Variants in ZCCHC8 observed in about 807,000 individuals in gnomAD.
ZCCHC8 encodes the protein zinc finger CCHC-type containing 8.
A neutral mutation model predicts 70.6 loss-of-function variants in ZCCHC8; 27 were observed. The observed-to-expected ratio is 0.38, with a 90% CI of 0.28 to 0.53. The LOEUF (loss-of-function observed/expected upper bound fraction) is 0.53, where lower values mean the gene tolerates loss of function less well. Among genes scored for constraint, ZCCHC8 ranks in the 20% least tolerant of loss-of-function variants. The pLI is 0.81. For missense variants in ZCCHC8, 737 were observed against 876.9 expected (o/e 0.84, Z 2.01); for synonymous variants, 293 against 317.4 (o/e 0.92, Z 0.82).
intron 5 of ZCCHC8, 55 bp downstream of exon 5, chr12:122,489,331 C>T (rs1188677687): frequency 6.5e-7 from 1 of 1,536,976 alleles, no homozygotes; most frequent in Non-Finnish European, 8.9e-7. Flanking sequence ...ACCCAGTTGA[C>T]ATAGGATAGG....
chr12:122,490,514 T>C lies in ZCCHC8; in HGVS notation c.371A>G (p.Glu124Gly). The change falls in exon 4 of 14, where the codon GAG (glutamate) becomes GGG (glycine). Residue 124 changes from glutamate to glycine, a missense_variant. By Grantham distance (98) the Glu-to-Gly change is moderately conservative. Coordinates refer to ENST00000633063, the MANE Select transcript of ZCCHC8 (RefSeq NM_017612.5). ...EFVSNLVKRF[E>G]EQQKNDVEKT... ...TTCCACATCATTTTTCTGCTGTTCCTCAAATCTTTTTACTAAATTTGATAC... is the reference window on the plus strand; with the variant it reads ...TTCCACATCATTTTTCTGCTGTTCCCCAAATCTTTTTACTAAATTTGATAC... The C allele has an allele frequency of 6.2e-7, 1 of 1,612,604 alleles. No homozygotes were observed. Among genetic ancestry groups the C allele is most frequent in the Non-Finnish European group, 8.5e-7 (1 of 1,179,284 alleles).
At chr12:122,495,825 G>A (rs546721384) in intron 2 of ZCCHC8, among the ~76,000 whole-genome samples, 1 of 125,282 alleles carries the variant, frequency 8.0e-6, no homozygotes, top group East Asian at 2.3e-4. Context: ...TACAGCCTGG[G>A]CGATAGAGTG....
chr12:122,496,011 A>G (rs1815723489), intron 2 of ZCCHC8, among the ~76,000 whole-genome samples: 1 of 152,036 alleles, frequency 6.6e-6, no homozygotes, highest in African/African-American at 2.4e-5. Flanking sequence ...TAAGCTAAAT[A>G]CAAAAGTTAG....
rs1217898323 is a variant in ZCCHC8, at chr12:122,477,863, G to A, written c.1323C>T (p.Pro441=). The A allele has an allele frequency of 8.1e-6, 13 of 1,613,164 alleles. No individual in the cohort carries two copies. The highest frequency in any genetic ancestry group is 1.7e-5 in the Admixed American group (1 of 59,966). ...QKNESNSAGS[P]ADMELDSDME... ...TACCTGAATCGAGCTCCATGTCGGC[G>A]GGAGATCCCGCTGAGTTGCTTTCAT... Residue 441 remains proline, a synonymous_variant, in exon 13 of 14, where the codon CCC becomes CCT. Transcript: ENST00000633063.
At chr12:122,478,922 G>A (rs1470320044) in intron 11 of ZCCHC8, among the ~76,000 whole-genome samples, 3 of 152,168 alleles carry the variant, frequency 2.0e-5, no homozygotes, top group Non-Finnish European at 4.4e-5. Context: ...CTGGCTTCCA[G>A]AAGCACTGAT....
At chr12:122,498,436 C>A (rs1957863985) in intron 2 of ZCCHC8, among the ~76,000 whole-genome samples, 1 of 152,006 alleles carries the variant, frequency 6.6e-6, no homozygotes, top group Admixed American at 6.6e-5. Context: ...GCCCATTATA[C>A]TATAATTTTT....
At position 122,477,942 on chromosome 12, in the gene ZCCHC8, C is replaced by G; in HGVS notation, c.1244G>C (p.Gly415Ala). ...AGAGTGAGATGAAGACCTCTTGTTG[C>G]CAGACTTCACACCTGGCTAAAAGAG... Reference protein sequence around the residue: ...SNFQAPGVKSGNKRSSSHSSP... With the variant: ...SNFQAPGVKSANKRSSSHSSP... Residue 415 changes from glycine to alanine, a missense_variant, in exon 13 of 14, where the codon GGC becomes GCC. Transcript: ENST00000633063. The G allele has an allele frequency of 6.2e-7, 1 of 1,613,750 alleles. No individual in the cohort carries two copies.
At chr12:122,493,704 C>T (rs975239489) in intron 2 of ZCCHC8, among the ~76,000 whole-genome samples, 6 of 151,896 alleles carry the variant, frequency 4.0e-5, no homozygotes, top group Admixed American at 3.3e-4. Context: ...GCTCTGCTTC[C>T]CAGGTTCACA....
chr12:122,500,474 A>T lies in ZCCHC8; in HGVS notation c.199+168T>A. 2.2e-6 allele frequency: 2 copies of T among 927,842 alleles called. No individual in the cohort carries two copies. The highest frequency in any genetic ancestry group is 3.1e-6 in the Non-Finnish European group (2 of 639,386). 57.5% of individuals were successfully genotyped at this position (927,842 alleles called of 1,614,324 possible). On this transcript the variant is annotated intron_variant, in intron 1 of 13. Coordinates refer to ENST00000633063, the MANE Select transcript of ZCCHC8 (RefSeq NM_017612.5). This position sits in a 1 kb window ranked among gnomAD's most constrained non-coding sequence, Gnocchi z 4.8. ...CGCCGAGGCAGCCTGCGCGCCCCGA[A>T]CCCTAGACTCTCGGTCCGCCGGCGG... is the stretch of plus-strand genomic sequence containing the variant.
intron 13 of ZCCHC8, among the ~76,000 whole-genome samples, chr12:122,475,097 G>T (rs1049838903): frequency 3.3e-5 from 5 of 152,060 alleles, no homozygotes; most frequent in African/African-American, 9.7e-5. Context: ...GCCCAGGCTG[G>T]AGTGCAGTGG....
intron 2 of ZCCHC8, among the ~76,000 whole-genome samples, chr12:122,494,187 G>T (rs752169502): frequency 6.6e-6 from 1 of 152,064 alleles, no homozygotes; most frequent in Non-Finnish European, 1.5e-5. Context: ...CTTCTCACCT[G>T]CCTCATATTT....
At chr12:122,499,075 G>C (rs1412265699) in intron 1 of ZCCHC8, 1 of 581,122 alleles carries the variant, frequency 1.7e-6, no homozygotes, top group African/African-American at 1.9e-5. Context: ...TTATCCTTTC[G>C]AACATATATT....
intron 10 of ZCCHC8, 132 bp from the exon 11 acceptor site, chr12:122,480,443 T>A: frequency 1.3e-6 from 1 of 772,508 alleles, no homozygotes; most frequent in Non-Finnish European, 1.9e-6. Flanking sequence ...TCAATTTTCA[T>A]TATAATTTTT....
At chr12:122,494,559 CA>C (rs148969205) in intron 2 of ZCCHC8, among the ~76,000 whole-genome samples, 2,912 of 88,112 alleles carry the variant, frequency 0.033, 44 homozygotes, top group Middle Eastern at 0.085. Context: ...GACTCTGTTT[CA>C]AAAAAAAAAA....
intron 5 of ZCCHC8, among the ~76,000 whole-genome samples, chr12:122,485,917 C>T (rs1009813715): frequency 2.6e-5 from 4 of 152,138 alleles, no homozygotes; most frequent in Non-Finnish European, 5.9e-5. Context: ...TCATATTCTG[C>T]GTCCAATTCA....
intron 2 of ZCCHC8, among the ~76,000 whole-genome samples, chr12:122,497,365 A>T (rs1957842432): frequency 2.0e-5 from 3 of 151,274 alleles, no homozygotes; most frequent in African/African-American, 7.3e-5. Flanking sequence ...AACATGGTGA[A>T]GCCCCATCTC....
At chr12:122,496,026 G>A (rs569186247) in intron 2 of ZCCHC8, among the ~76,000 whole-genome samples, 1 of 152,044 alleles carries the variant, frequency 6.6e-6, no homozygotes, top group East Asian at 1.9e-4. Flanking sequence ...AGTTAGCCAG[G>A]TGTGGTGGCA....
At position 122,477,807 on chromosome 12, in the gene ZCCHC8, A is replaced by G. The variant is rs549251100; in HGVS notation, c.1345+34T>C. On this transcript the variant is annotated intron_variant, in intron 13 of 13. Coordinates refer to ENST00000633063, the MANE Select transcript of ZCCHC8 (RefSeq NM_017612.5). The stretch of plus-strand genomic sequence containing the variant: ...CTCCATCTCAAAAAAAAAAAAAAAA[A>G]AGAGAGAAATCAGAGCCATAGGATG... 2.9e-4 allele frequency: 429 copies of G among 1,461,432 alleles called. 1 individual carries two copies. In the African/African-American group the frequency reaches 3.1e-3, roughly 11 times the overall value. 90.5% of individuals were successfully genotyped at this position (1,461,432 alleles called of 1,614,324 possible). A position where few individuals can be genotyped will look rare whatever the true frequency, so the allele number is the denominator to read the frequency against.
rs559693938 is a variant in ZCCHC8, at chr12:122,482,880, CAG to C, written c.672-187_672-186del. Reference sequence around the variant, plus strand: ...ATTTAGTGATTTAAATAGTACTATGCAGAGTCTTTTAACCAAGAACCCTTCTG... The same window carrying C: ...ATTTAGTGATTTAAATAGTACTATGCAGTCTTTTAACCAAGAACCCTTCTG... On this transcript the variant is annotated intron_variant, in intron 7 of 13. Transcript: ENST00000633063. 6.7e-4 allele frequency: 383 copies of C among 568,890 alleles called. 4 individuals are homozygous for C. The highest frequency in any genetic ancestry group is 6.7e-3 in the African/African-American group (356 of 53,256). The allele number at this position is 568,890 out of a possible 1,614,324, so 35.2% of individuals were successfully genotyped here. A position where few individuals can be genotyped will look rare whatever the true frequency, so the allele number is the denominator to read the frequency against.
Sources: allele counts gnomAD v4.1 joint callset (sites outside exome capture counted in the v4.1 genomes callset), GRCh38; gene constraint gnomAD v4.1.1; non-coding constraint Gnocchi (gnomAD v3.1); transcripts MANE v1.5; gene names NCBI Gene and HGNC (gene_info 2026-07-23, HGNC 2026-07-21).